Variants in SEMA5A observed in about 807,000 individuals in gnomAD.
SEMA5A encodes the protein semaphorin-5A.
A neutral mutation model predicts 135.5 loss-of-function variants in SEMA5A; 55 were observed. The observed-to-expected ratio is 0.41, with a 90% CI of 0.33 to 0.51. The LOEUF (loss-of-function observed/expected upper bound fraction) is 0.51, where lower values mean the gene tolerates loss of function less well. Ranked by LOEUF, SEMA5A falls within the 20% of genes least tolerant of loss-of-function variation. SEMA5A has a pLI of 0.37. For missense variants in SEMA5A, 1,290 were observed against 1,419.9 expected (o/e 0.91, Z 1.47); for synonymous variants, 580 against 546.5 (o/e 1.06, Z -0.85).
intron 5 of SEMA5A, among the ~76,000 whole-genome samples, chr5:9,262,734 T>C (rs1440587269): frequency 6.3e-5 from 6 of 95,138 alleles, no homozygotes; most frequent in Middle Eastern, 4.3e-3. Context: ...TATCACACTC[T>C]GGGGACTGTG....
At chr5:9,277,390 G>C (rs909083449) in intron 5 of SEMA5A, among the ~76,000 whole-genome samples, 5 of 152,118 alleles carry the variant, frequency 3.3e-5, no homozygotes, top group Non-Finnish European at 7.4e-5. Context: ...GTTCAACAAT[G>C]GTGGAGGACA....
rs959514077 is a variant in SEMA5A, at chr5:9,509,383, G to C, written c.-175+36201C>G. The stretch of plus-strand genomic sequence containing the variant: ...TCCACCTACCGGGTTCAAGTGATTC[G>C]CCTGTCTCAGCCTCCCGAGTAGCTG... On this transcript the variant is annotated intron_variant, in intron 1 of 22. Coordinates refer to ENST00000382496, the MANE Select transcript of SEMA5A (RefSeq NM_003966.3). Among the ~76,000 whole-genome samples the C allele has an allele frequency of 5.3e-5, 8 of 151,914 alleles. No homozygotes were observed. In the South Asian group the frequency reaches 1.7e-3, roughly 32 times the overall value.
intron 6 of SEMA5A, among the ~76,000 whole-genome samples, chr5:9,233,455 TCCCCACC>T (rs1747739684): frequency 6.6e-6 from 1 of 152,136 alleles, no homozygotes; most frequent in African/African-American, 2.4e-5. Flanking sequence ...AAAAACAGAT[TCCCCACC>T]CCCACTTTTT....
At chr5:9,113,337 A>T (rs540747574) in intron 15 of SEMA5A, among the ~76,000 whole-genome samples, 6 of 152,358 alleles carry the variant, frequency 3.9e-5, no homozygotes, top group Middle Eastern at 3.4e-3. Context: ...CATTAAAGAA[A>T]ATCTAAATCA....
At chr5:9,421,698 T>C (rs1488905278) in intron 2 of SEMA5A, among the ~76,000 whole-genome samples, 1 of 152,194 alleles carries the variant, frequency 6.6e-6, no homozygotes, top group Non-Finnish European at 1.5e-5. Flanking sequence ...GTTATCTTTT[T>C]TCTCTCTCTC....
chr5:9,352,728 G>A (rs1261472962), intron 3 of SEMA5A, among the ~76,000 whole-genome samples: 1 of 152,196 alleles, frequency 6.6e-6, no homozygotes, highest in East Asian at 1.9e-4. Flanking sequence ...CTCTAAAAGA[G>A]GGATTGGCAA....
chr5:9,152,446 G>A (rs980368145), intron 12 of SEMA5A, among the ~76,000 whole-genome samples: 2 of 152,204 alleles, frequency 1.3e-5, no homozygotes, highest in African/African-American at 4.8e-5. Flanking sequence ...AATTTAGGAA[G>A]TAAGCATATA....
intron 4 of SEMA5A, among the ~76,000 whole-genome samples, chr5:9,318,640 T>G (rs1752493517): frequency 6.6e-6 from 1 of 152,052 alleles, no homozygotes; most frequent in South Asian, 2.1e-4. Context: ...AACGAATAAG[T>G]GGGGTGTGTC....
At chr5:9,127,448 T>C (rs1378195227) in intron 13 of SEMA5A, among the ~76,000 whole-genome samples, 2 of 152,174 alleles carry the variant, frequency 1.3e-5, no homozygotes, top group Non-Finnish European at 2.9e-5. Context: ...ACATATACAC[T>C]TTCCCTATGG....
At chr5:9,187,055 G>A (rs1191663400) in intron 11 of SEMA5A, among the ~76,000 whole-genome samples, 6 of 151,908 alleles carry the variant, frequency 3.9e-5, no homozygotes, top group African/African-American at 4.8e-5. Context: ...ATAAGAGACC[G>A]GAAAAACATC....
At chr5:9,222,829 C>T (rs1747082129) in intron 8 of SEMA5A, among the ~76,000 whole-genome samples, 1 of 152,210 alleles carries the variant, frequency 6.6e-6, no homozygotes, top group Non-Finnish European at 1.5e-5. Context: ...ACCTGATCAG[C>T]TGGTGGTCAC....
At chr5:9,428,154 ATC>A (rs1324478632) in intron 2 of SEMA5A, among the ~76,000 whole-genome samples, 2 of 138,100 alleles carry the variant, frequency 1.4e-5, no homozygotes, top group Non-Finnish European at 3.0e-5. Flanking sequence ...CTATCTATCT[ATC>A]TATCTATCTA....
At chr5:9,522,842 T>C (rs560212536) in intron 1 of SEMA5A, 1 of 152,346 alleles carries the variant, frequency 6.6e-6, no homozygotes, top group South Asian at 2.1e-4. Context: ...TCAACTGAAA[T>C]TGAATGCACA....
chr5:9,411,401 G>A lies in SEMA5A; in HGVS notation c.-78+26355C>T, dbSNP rs552721057. 2.6e-5 allele frequency among the ~76,000 whole-genome samples: 4 copies of A among 152,316 alleles called. No homozygotes were observed. In the South Asian group the frequency reaches 6.2e-4, roughly 24 times the overall value. ...GTGTCTCAGCCCACACGCAAGCAAC[G>A]TGCATGCTGCCTGAAGTGGAAGCAA... On this transcript the variant is annotated intron_variant, in intron 2 of 22. Transcript: ENST00000382496.
At chr5:9,206,753 T>C (rs1746042836) in intron 8 of SEMA5A, among the ~76,000 whole-genome samples, 1 of 151,776 alleles carries the variant, frequency 6.6e-6, no homozygotes, top group Non-Finnish European at 1.5e-5. Flanking sequence ...AAAAGTCGCC[T>C]TGTGAGACAC....
chr5:9,524,669 A>C (rs1737025133), intron 1 of SEMA5A, among the ~76,000 whole-genome samples: 1 of 152,234 alleles, frequency 6.6e-6, no homozygotes, highest in Admixed American at 6.5e-5. Flanking sequence ...TAAGAAGCAA[A>C]TACAGATGGT....
chr5:9,275,871 C>T (rs953135700), intron 5 of SEMA5A, among the ~76,000 whole-genome samples: 1 of 151,796 alleles, frequency 6.6e-6, no homozygotes, highest in Non-Finnish European at 1.5e-5. Flanking sequence ...CCACAGCCAA[C>T]ATCATACTGA....
At position 9,225,291 on chromosome 5, in the gene SEMA5A, C is replaced by T. The variant is rs193046438; in HGVS notation, c.433-404G>A. On this transcript the variant is annotated intron_variant, in intron 7 of 22. Transcript: ENST00000382496. ...ATAATTGCCTGGGCACAGTGGCTCACGCCTATAATCCCAGCACTTTGGGAG... is the reference window on the plus strand; with the variant it reads ...ATAATTGCCTGGGCACAGTGGCTCATGCCTATAATCCCAGCACTTTGGGAG... Among the ~76,000 whole-genome samples, 517 of 150,286 alleles carry T rather than the reference C, an allele frequency of 3.4e-3. 1 individual carries two copies. The highest frequency in any genetic ancestry group is 0.012 in the African/African-American group (493 of 40,888).
At chr5:9,395,767 G>T (rs1756367166) in intron 2 of SEMA5A, among the ~76,000 whole-genome samples, 1 of 152,200 alleles carries the variant, frequency 6.6e-6, no homozygotes, top group Non-Finnish European at 1.5e-5. Context: ...CTGGTTGAGT[G>T]AGTAGATGAA....
Sources: allele counts gnomAD v4.1 joint callset (sites outside exome capture counted in the v4.1 genomes callset), GRCh38; gene constraint gnomAD v4.1.1; transcripts MANE v1.5; gene names NCBI Gene and HGNC (gene_info 2026-07-23, HGNC 2026-07-21).